Variants in RBFOX1 observed in about 807,000 individuals in gnomAD.
The protein encoded by RBFOX1 is RNA binding protein fox-1 homolog 1.
A neutral mutation model predicts 57.7 loss-of-function variants in RBFOX1; 8 were observed. The observed-to-expected ratio is 0.14, with a 90% CI of 0.08 to 0.25. RBFOX1 has a LOEUF of 0.25. Ranked by LOEUF, RBFOX1 falls within the 10% of genes least tolerant of loss-of-function variation. The pLI, the probability that RBFOX1 is intolerant of heterozygous loss-of-function variation, is 1.00. For synonymous variants in RBFOX1, 326 were observed against 222.4 expected (o/e 1.47, Z -4.15); for missense variants, 611 against 548.5 (o/e 1.11, Z -1.14).
intron 4 of RBFOX1, among the ~76,000 whole-genome samples, chr16:7,394,210 T>G (rs1417553456): frequency 8.9e-6 from 1 of 112,848 alleles, no homozygotes; most frequent in Non-Finnish European, 1.6e-5. Flanking sequence ...CACTCTAGCC[T>G]GGGCAACAGA....
At chr16:7,532,125 T>C (rs1278515873) in intron 5 of RBFOX1, among the ~76,000 whole-genome samples, 1 of 134,406 alleles carries the variant, frequency 7.4e-6, no homozygotes, top group Non-Finnish European at 1.6e-5. Flanking sequence ...GGGGAGAAAC[T>C]AGCTACCTTT....
chr16:6,069,808 G>A (rs2095813496), intron 1 of RBFOX1, among the ~76,000 whole-genome samples: 1 of 152,022 alleles, frequency 6.6e-6, no homozygotes, highest in Admixed American at 6.6e-5. Flanking sequence ...CCAACATGGT[G>A]AAACCCCATC....
intron 1 of RBFOX1, among the ~76,000 whole-genome samples, chr16:5,453,819 G>T (rs575147379): frequency 2.6e-5 from 4 of 152,210 alleles, no homozygotes; most frequent in African/African-American, 9.6e-5. Flanking sequence ...GGGTGACAGT[G>T]CTAGGAAGTT....
At chr16:5,772,323 C>T (rs539019934) in intron 3 of RBFOX1, among the ~76,000 whole-genome samples, 118 of 151,860 alleles carry the variant, frequency 7.8e-4, no homozygotes, top group Non-Finnish European at 1.3e-3. Flanking sequence ...GTCTGTACGC[C>T]GCCTCTCCTA....
At chr16:5,356,402 A>G (rs1190014192) in intron 1 of RBFOX1, among the ~76,000 whole-genome samples, 3 of 152,192 alleles carry the variant, frequency 2.0e-5, no homozygotes, top group Non-Finnish European at 4.4e-5. Flanking sequence ...TAGGGACTAA[A>G]CTTTCTTCGT....
At chr16:5,264,304 G>C (rs569136764) in intron 1 of RBFOX1, among the ~76,000 whole-genome samples, 5 of 152,216 alleles carry the variant, frequency 3.3e-5, no homozygotes, top group Admixed American at 1.3e-4. Flanking sequence ...GGATGCTGCA[G>C]TTGGATGTCT....
At chr16:6,145,495 A>T (rs1007121059) in intron 1 of RBFOX1, among the ~76,000 whole-genome samples, 3 of 151,882 alleles carry the variant, frequency 2.0e-5, no homozygotes, top group Admixed American at 2.0e-4. Context: ...TACAGTGAAC[A>T]TATGTGTGCG....
chr16:7,328,877 A>T (rs13333279), intron 4 of RBFOX1: 6 of 152,180 alleles, frequency 3.9e-5, no homozygotes, highest in Non-Finnish European at 8.8e-5. Flanking sequence ...TTAGCAAACC[A>T]TGGGCTGTGA....
intron 3 of RBFOX1, among the ~76,000 whole-genome samples, chr16:6,863,854 C>T (rs1003710422): frequency 6.7e-6 from 1 of 149,874 alleles, no homozygotes; most frequent in Non-Finnish European, 1.5e-5. Context: ...GAAACAAATA[C>T]CAAGTTCTTT....
At chr16:6,450,843 A>G (rs60430723) in intron 2 of RBFOX1, among the ~76,000 whole-genome samples, 617 of 43,138 alleles carry the variant, frequency 0.014, 113 homozygotes, top group Non-Finnish European at 0.02. Flanking sequence ...ATATGTGTAT[A>G]TATATATATA....
chr16:6,659,787 G>A (rs62017889), intron 3 of RBFOX1, among the ~76,000 whole-genome samples: 59,980 of 152,024 alleles, frequency 0.39, 13,159 homozygotes, highest in South Asian at 0.52. Flanking sequence ...GCACCCAACA[G>A]TGGGGTGGTC....
intron 4 of RBFOX1, among the ~76,000 whole-genome samples, chr16:7,371,677 G>A (rs1002276508): frequency 6.6e-6 from 1 of 152,170 alleles, no homozygotes; most frequent in Non-Finnish European, 1.5e-5. Flanking sequence ...TTGAACCCAT[G>A]GGGCGGAGGT....
chr16:5,472,819 G>A (rs2069183582), intron 2 of RBFOX1, among the ~76,000 whole-genome samples: 1 of 152,174 alleles, frequency 6.6e-6, no homozygotes, highest in Non-Finnish European at 1.5e-5. Context: ...ATCCTCCATG[G>A]AAGCTGCACG....
intron 3 of RBFOX1, among the ~76,000 whole-genome samples, chr16:6,942,234 C>G (rs1286895230): frequency 6.6e-6 from 1 of 152,230 alleles, no homozygotes; most frequent in Non-Finnish European, 1.5e-5. Context: ...GAACCAGGAT[C>G]CCACCACTGC....
chr16:6,744,328 T>C (rs1034386870), intron 3 of RBFOX1, among the ~76,000 whole-genome samples: 1 of 152,224 alleles, frequency 6.6e-6, no homozygotes, highest in African/African-American at 2.4e-5. Context: ...TAGATTTGAA[T>C]AGTAGTATTA....
intron 4 of RBFOX1, among the ~76,000 whole-genome samples, chr16:7,196,485 C>G (rs1350941041): frequency 1.3e-5 from 2 of 152,302 alleles, no homozygotes; most frequent in South Asian, 2.1e-4. Context: ...CAATGGCTTC[C>G]CAAACATTTA....
intron 2 of RBFOX1, among the ~76,000 whole-genome samples, chr16:6,578,837 A>G (rs2097488506): frequency 6.6e-6 from 1 of 152,130 alleles, no homozygotes; most frequent in East Asian, 1.9e-4. Flanking sequence ...CTAAAAAATA[A>G]TCTTTGCTCG....
intron 3 of RBFOX1, among the ~76,000 whole-genome samples, chr16:6,890,294 G>A (rs1249859394): frequency 2.0e-5 from 3 of 152,078 alleles, no homozygotes; most frequent in Non-Finnish European, 4.4e-5. Flanking sequence ...CGAGGCAGGT[G>A]GATTGCTTGA....
rs182006514 is a variant in RBFOX1, at chr16:6,544,828, G to A, written c.-63-109775G>A. Among the ~76,000 whole-genome samples the A allele has an allele frequency of 3.6e-3, 546 of 152,244 alleles. 9 individuals carry two copies. Among genetic ancestry groups the A allele is most frequent in the African/African-American group, 0.012 (509 of 41,546 alleles). Reference sequence around the variant, plus strand: ...AGATTAGTCAGCGAAGGGTACCCACGACCAGTGATATTATGATGGGGCTTG... The same window carrying A: ...AGATTAGTCAGCGAAGGGTACCCACAACCAGTGATATTATGATGGGGCTTG... On this transcript the variant is annotated intron_variant, in intron 2 of 15. Coordinates refer to ENST00000550418, the MANE Select transcript of RBFOX1 (RefSeq NM_018723.4).
Sources: allele counts gnomAD v4.1 joint callset (sites outside exome capture counted in the v4.1 genomes callset), GRCh38; gene constraint gnomAD v4.1.1; transcripts MANE v1.5; gene names NCBI Gene and HGNC (gene_info 2026-07-23, HGNC 2026-07-21).